The following UMOD variants were observed in gnomAD, a reference collection of about 807,000 sequenced individuals.
UMOD encodes uromodulin.
A neutral mutation model predicts 66.0 loss-of-function variants in UMOD; 64 were observed. That is an observed-to-expected ratio of 0.97 (90% CI 0.79 to 1.19). The LOEUF is 1.19. Ranked by LOEUF, UMOD falls within the 50% of genes most tolerant of loss-of-function variation. The probability of loss-of-function intolerance (pLI) is 0.00; values close to 1 mark genes in which losing one functional copy is unlikely to be tolerated. For synonymous variants in UMOD, 398 were observed against 352.7 expected, an observed-to-expected ratio of 1.13 and a Z score of -1.44; for missense variants, 764 against 850.9, an observed-to-expected ratio of 0.90 and a Z score of 1.27.
intron 1 of UMOD, among the ~76,000 whole-genome samples, chr16:20,352,195 A>G (rs1465809962): frequency 6.6e-6 from 1 of 152,152 alleles, no homozygotes; most frequent in Non-Finnish European, 1.5e-5. Flanking sequence ...CCTAGTTTGC[A>G]GATGAGAAAA....
At chr16:20,350,562 C>A (rs534788441) in intron 2 of UMOD, 88 bp downstream of exon 2, 1 of 1,520,036 alleles carries the variant, frequency 6.6e-7, no homozygotes, top group Non-Finnish European at 9.0e-7. Flanking sequence ...TTGAGATCAC[C>A]TCTGACAGGT....
At chr16:20,335,352 T>C (rs1964811209) in intron 10 of UMOD, 130 bp downstream of exon 10, 5 of 900,016 alleles carry the variant, frequency 5.6e-6, no homozygotes, top group Non-Finnish European at 7.1e-6. Context: ...TGAGCCACTC[T>C]CCTTATTTAG....
At position 20,335,483 on chromosome 16, in the gene UMOD, C is replaced by CA. The variant is rs886051784; in HGVS notation, c.1859dup (p.Leu620PhefsTer68). On this transcript the variant is annotated frameshift_variant and splice_region_variant, in exon 10 of 11. Coordinates refer to ENST00000396138, the MANE Select transcript of UMOD (RefSeq NM_003361.4). LOFTEE classifies it high-confidence loss of function. ...ACTGCAGAAAGGACCTGAACTTACC[C>CA]AAGCTGCTAAAAGCCCTTGAGACTG... 4 of 1,614,118 alleles carry CA rather than the reference C, an allele frequency of 2.5e-6. No homozygotes were observed.
chr16:20,341,452 C>T lies in UMOD; in HGVS notation c.1332-116G>A, dbSNP rs990346760. ...TGCAGTTATTTGCATTTTTATCCAG[C>T]AATAAGAGTGGAACCCACCAACTGT... On this transcript the variant is annotated intron_variant, in intron 6 of 10. Coordinates refer to ENST00000396138, the MANE Select transcript of UMOD (RefSeq NM_003361.4). 3.2e-6 allele frequency: 5 copies of T among 1,559,870 alleles called. No homozygotes were observed. In the African/African-American group the frequency reaches 6.7e-5, roughly 21 times the overall value.
At chr16:20,349,455 G>T (rs74936567) in intron 2 of UMOD, among the ~76,000 whole-genome samples, 3,658 of 152,240 alleles carry the variant, frequency 0.024, 49 homozygotes, top group African/African-American at 0.042. Flanking sequence ...GAGGGGTCTT[G>T]CTCTGTCGCC....
intron 5 of UMOD, among the ~76,000 whole-genome samples, chr16:20,344,628 G>C (rs1248180089): frequency 6.7e-6 from 1 of 149,418 alleles, no homozygotes; most frequent in South Asian, 2.1e-4. Context: ...TCCCACAACA[G>C]TTAAAAACTC....
At chr16:20,350,008 T>C in intron 2 of UMOD, 1 of 863,176 alleles carries the variant, frequency 1.2e-6, no homozygotes, top group Non-Finnish European at 1.7e-6. Context: ...AGGTCAGTTT[T>C]TTATGTATCC....
At chr16:20,345,389 C>A (rs888877060) in intron 5 of UMOD, among the ~76,000 whole-genome samples, 2 of 124,924 alleles carry the variant, frequency 1.6e-5, no homozygotes, top group Non-Finnish European at 1.7e-5. Flanking sequence ...TCCTTCCTTT[C>A]TTTTCTTTTT....
chr16:20,343,966 G>T (rs940657726), intron 6 of UMOD, 58 bp downstream of exon 6: 1 of 1,605,772 alleles, frequency 6.2e-7, no homozygotes, highest in Non-Finnish European at 8.5e-7. Flanking sequence ...GAAGCTCATG[G>T]TTAAGGGGTT....
At chr16:20,350,867 G>T in intron 1 of UMOD, 28 bp from the exon 2 acceptor site, 1 of 1,537,780 alleles carries the variant, frequency 6.5e-7, no homozygotes, top group South Asian at 1.2e-5. Flanking sequence ...TGGGACAAAT[G>T]CATGATCTAA....
At chr16:20,343,363 A>C (rs1384196902) in intron 6 of UMOD, among the ~76,000 whole-genome samples, 1 of 152,162 alleles carries the variant, frequency 6.6e-6, no homozygotes, top group Non-Finnish European at 1.5e-5. Flanking sequence ...AGACACTTGC[A>C]AGGAGCGTAA....
At chr16:20,349,866 G>A in intron 2 of UMOD, 2 of 1,530,430 alleles carry the variant, frequency 1.3e-6, no homozygotes, top group Non-Finnish European at 1.8e-6. Context: ...GTTGTACTTT[G>A]TTCCTCCGTA....
At chr16:20,351,548 A>C (rs1250354605) in intron 1 of UMOD, 1 of 153,154 alleles carries the variant, frequency 6.5e-6, no homozygotes, top group African/African-American at 2.4e-5. Context: ...TAACACTGTG[A>C]TGTGGGTATT....
upstream of UMOD, among the ~76,000 whole-genome samples, chr16:20,353,771 T>TA (rs1476733486): frequency 2.0e-5 from 3 of 152,094 alleles, no homozygotes; most frequent in Non-Finnish European, 4.4e-5. Context: ...TTTTTTTTTT[T>TA]TATACTTTAA....
chr16:20,336,716 C>T lies in UMOD; in HGVS notation c.1752G>A (p.Gly584=), dbSNP rs770944838. 3.1e-6 allele frequency: 5 copies of T among 1,614,068 alleles called. No individual in the cohort carries two copies. Among genetic ancestry groups the T allele is most frequent in the Non-Finnish European group, 4.2e-6 (5 of 1,179,968 alleles). ...TGACACTCCCACTTCGGAATCTGGT[C>T]CCAGAGCAGGTCTACAGGGAGAGGG... ...MNEKCKPTCS[G]TRFRSGSVID... Residue 584 remains glycine (G), a synonymous_variant, in exon 9 of 11, where the codon GGG becomes GGA. Coordinates refer to ENST00000396138, the MANE Select transcript of UMOD (RefSeq NM_003361.4).
intron 10 of UMOD, 105 bp from the exon 11 acceptor site, chr16:20,333,480 C>G: frequency 9.8e-7 from 1 of 1,016,928 alleles, no homozygotes; most frequent in Non-Finnish European, 1.5e-6. Flanking sequence ...AGGACACCCT[C>G]TCTGGGCTGC....
At chr16:20,351,210 A>G (rs1965873055) in intron 1 of UMOD, 1 of 248,242 alleles carries the variant, frequency 4.0e-6, no homozygotes, top group Admixed American at 5.1e-5. Flanking sequence ...TTATTCATTC[A>G]ACAAACATCT....
At chr16:20,341,392 C>T in intron 6 of UMOD, 56 bp from the exon 7 acceptor site, 1 of 1,605,302 alleles carries the variant, frequency 6.2e-7, no homozygotes, top group Non-Finnish European at 8.5e-7. Flanking sequence ...TGCAGATAGG[C>T]CACCTTCTCT....
At chr16:20,336,775 A>G (rs1314424578) in intron 8 of UMOD, 48 bp from the exon 9 acceptor site, 1 of 1,575,384 alleles carries the variant, frequency 6.3e-7, no homozygotes, top group South Asian at 1.1e-5. Flanking sequence ...AGGAGCCTGA[A>G]TGTGGTTCTG....
Sources: gnomAD v4.1 joint callset for allele counts (sites outside exome capture counted in the v4.1 genomes callset) on GRCh38, gnomAD v4.1.1 for gene constraint, MANE v1.5 for transcripts, NCBI Gene and HGNC (gene_info 2026-07-23, HGNC 2026-07-21) for gene names.